PDXDC1: variants seen among roughly 807,000 people sequenced by gnomAD.
PDXDC1 encodes pyridoxal-dependent decarboxylase domain-containing protein 1.
PDXDC1 carries 42 observed loss-of-function variants against 100.1 expected under a neutral mutation model. That is an observed-to-expected ratio of 0.42 (90% CI 0.33 to 0.54). The LOEUF (loss-of-function observed/expected upper bound fraction) is 0.54, where lower values mean the gene tolerates loss of function less well. Ranked by LOEUF, PDXDC1 falls within the 20% of genes least tolerant of loss-of-function variation. The probability of loss-of-function intolerance (pLI) is 0.10; values close to 1 mark genes in which losing one functional copy is unlikely to be tolerated. For missense variants in PDXDC1, 636 were observed against 979.2 expected, an observed-to-expected ratio of 0.65 and a Z score of 4.68; for synonymous variants, 260 against 371.7, an observed-to-expected ratio of 0.70 and a Z score of 3.46.
Position 15,130,900 on chromosome 16 carries a change from A to C in PDXDC1, c.1400-7979A>C, listed in dbSNP as rs2966197. The C allele has an allele frequency of 3.5e-3, 2,533 of 718,600 alleles. 12 individuals are homozygous for C. The highest frequency in any genetic ancestry group is 5.2e-3 in the Non-Finnish European group (2,128 of 411,768). The allele number at this position is 718,600 out of a possible 1,614,324, so 44.5% of individuals were successfully genotyped here. On this transcript the variant is annotated intron_variant, in intron 16 of 16. Coordinates refer to the PDXDC1 transcript ENST00000535621. ...CTCTGCCACGGGCCTGAAAGGCCAT[A>C]GGAGCCTCTGCACCAGAGCTGGCAC...
chr16:15,094,411 A>T, intron 16 of PDXDC1: 1 of 626,898 alleles, frequency 1.6e-6, no homozygotes, highest in Non-Finnish European at 2.8e-6. Context: ...TCCTCGTTCT[A>T]CTTGGAGGAC....
chr16:14,976,204 G>T (rs1264369519), intron 1 of PDXDC1, among the ~76,000 whole-genome samples: 1 of 152,290 alleles, frequency 6.6e-6, no homozygotes, highest in Non-Finnish European at 1.5e-5. Flanking sequence ...TTCCAGCTTG[G>T]GAGTCTGCTT....
downstream of PDXDC1, among the ~76,000 whole-genome samples, chr16:15,039,079 T>C (rs2043686137): frequency 6.6e-6 from 1 of 152,218 alleles, no homozygotes; most frequent in South Asian, 2.1e-4. Flanking sequence ...CCCAAACAAC[T>C]GATCACCTTG....
chr16:15,093,144 A>G (rs2046205609), intron 16 of PDXDC1, among the ~76,000 whole-genome samples: 1 of 152,122 alleles, frequency 6.6e-6, no homozygotes, highest in Non-Finnish European at 1.5e-5. Flanking sequence ...AGCTGGGATT[A>G]CAGGCACCTG....
intron 16 of PDXDC1, chr16:15,072,974 C>T: frequency 6.2e-7 from 1 of 1,613,508 alleles, no homozygotes; most frequent in Middle Eastern, 1.7e-4. Flanking sequence ...AGAGGTAAAA[C>T]ATGAAAAACT....
intron 16 of PDXDC1, chr16:15,044,595 A>G: frequency 1.7e-6 from 1 of 596,938 alleles, no homozygotes; most frequent in Non-Finnish European, 3.0e-6. Flanking sequence ...GCTTCTGGGG[A>G]CCCTGCCCAG....
intron 1 of PDXDC1, chr16:14,975,688 C>A (rs537809434): frequency 3.0e-6 from 3 of 984,454 alleles, no homozygotes; most frequent in African/African-American, 3.5e-5. Flanking sequence ...CAGTGGTTTT[C>A]CAACTTCAGC....
chr16:15,076,475 A>C, intron 16 of PDXDC1: 1 of 941,986 alleles, frequency 1.1e-6, no homozygotes, highest in East Asian at 2.4e-5. Flanking sequence ...TTCAATCTAA[A>C]GCCTTAACAA....
intron 16 of PDXDC1, among the ~76,000 whole-genome samples, chr16:15,066,174 C>T (rs1376296557): frequency 3.9e-5 from 6 of 152,156 alleles, no homozygotes; most frequent in Non-Finnish European, 5.9e-5. Flanking sequence ...CTTGACCCCT[C>T]CTCCTGGTGG....
At chr16:15,060,266 C>A (rs930627063) in intron 16 of PDXDC1, 1 of 327,784 alleles carries the variant, frequency 3.1e-6, no homozygotes, top group East Asian at 9.6e-5. Flanking sequence ...CAACATTTTG[C>A]CAGCAGTTAA....
intron 1 of PDXDC1, among the ~76,000 whole-genome samples, chr16:14,977,928 C>A (rs1359060295): frequency 1.2e-4 from 18 of 152,270 alleles, no homozygotes; most frequent in African/African-American, 4.1e-4. Flanking sequence ...AAAATAATAT[C>A]TCTCACTTTA....
intron 16 of PDXDC1, among the ~76,000 whole-genome samples, chr16:15,053,023 T>C (rs1379443907): frequency 1.3e-5 from 2 of 152,182 alleles, no homozygotes; most frequent in African/African-American, 4.8e-5. Context: ...GGCCACCGTC[T>C]ATATTCACAC....
the PDXDC1 span, among the ~76,000 whole-genome samples, chr16:15,150,218 C>A: frequency 6.6e-6 from 1 of 151,832 alleles, no homozygotes; most frequent in Non-Finnish European, 1.5e-5. Flanking sequence ...GTGGCGGGCA[C>A]CAGTCCAGGC....
At chr16:14,987,083 T>C (rs1194299164) in intron 1 of PDXDC1, among the ~76,000 whole-genome samples, 1 of 152,202 alleles carries the variant, frequency 6.6e-6, no homozygotes, top group East Asian at 1.9e-4. Context: ...GGTTTAAGAG[T>C]TGGTGGAAAA....
intron 16 of PDXDC1, among the ~76,000 whole-genome samples, chr16:15,062,252 C>A (rs985157372): frequency 6.6e-6 from 1 of 152,182 alleles, no homozygotes; most frequent in Non-Finnish European, 1.5e-5. Context: ...TGTTTCAAGT[C>A]TGACTTGCAA....
chr16:14,982,017 A>T (rs369595845), intron 1 of PDXDC1, among the ~76,000 whole-genome samples: 3 of 152,256 alleles, frequency 2.0e-5, no homozygotes, highest in African/African-American at 7.2e-5. Flanking sequence ...TTTAGTAGAG[A>T]CAGGGTTTCA....
intron 8 of PDXDC1, among the ~76,000 whole-genome samples, chr16:15,011,026 A>T (rs1437283078): frequency 6.6e-6 from 1 of 152,296 alleles, no homozygotes; most frequent in Non-Finnish European, 1.5e-5. Context: ...ATTCAACTTG[A>T]TCCATCTTAA....
chr16:15,120,962 CAAAAAAAAGA>C (rs1334734109), intron 16 of PDXDC1, among the ~76,000 whole-genome samples: 1 of 12,200 alleles, frequency 8.2e-5, no homozygotes, highest in East Asian at 2.1e-3. Flanking sequence ...GACTCTGTCT[CAAAAAAAAGA>C]AAAAAAAAAA....
At position 15,104,284 on chromosome 16, in the gene PDXDC1, A is replaced by C. The variant is rs2046680182; in HGVS notation, c.1400-34595A>C. The stretch of plus-strand genomic sequence containing the variant: ...TCAGGCAATCATACCAGATATTGAA[A>C]CAAAGCAATAACATAAGGACTGCAG... On this transcript the variant is annotated intron_variant, in intron 16 of 16. Transcript: ENST00000535621. 18 of 1,439,382 alleles carry C rather than the reference A, an allele frequency of 1.3e-5. No homozygotes were observed. In the South Asian group the frequency reaches 2.5e-4, roughly 20 times the overall value. The allele number at this position is 1,439,382 out of a possible 1,614,324, so 89.2% of individuals were successfully genotyped here.
Sources: gnomAD v4.1 joint callset for allele counts (sites outside exome capture counted in the v4.1 genomes callset) on GRCh38, gnomAD v4.1.1 for gene constraint, MANE v1.5 for transcripts, NCBI Gene and HGNC (gene_info 2026-07-23, HGNC 2026-07-21) for gene names.